Variants in HORMAD1 observed in about 807,000 individuals in gnomAD.
HORMAD1 encodes the protein HORMA domain containing 1, also known as HORMA domain-containing protein 1.
A neutral mutation model predicts 58.2 loss-of-function variants in HORMAD1; 33 were observed. That is an observed-to-expected ratio of 0.57 (90% CI 0.43 to 0.76). HORMAD1 has a LOEUF of 0.76. HORMAD1 is among the 30% of genes least tolerant of loss of function. The pLI, the probability that HORMAD1 is intolerant of heterozygous loss-of-function variation, is 0.00. For missense variants in HORMAD1, 363 were observed against 462.0 expected, an observed-to-expected ratio of 0.79 and a Z score of 1.96; for synonymous variants, 137 against 144.6, an observed-to-expected ratio of 0.95 and a Z score of 0.38.
intron 3 of HORMAD1, among the ~76,000 whole-genome samples, chr1:150,716,548 G>C (rs955578414): frequency 2.2e-4 from 34 of 152,222 alleles, no homozygotes; most frequent in African/African-American, 6.3e-4. Flanking sequence ...GATTGCCTAG[G>C]ACTGGGAAGG....
rs755742099 is a variant in HORMAD1, at chr1:150,719,477, G to A, written c.29C>T (p.Pro10Leu). 6.4e-7 allele frequency: 1 copy of A among 1,572,244 alleles called. No homozygotes were observed. Among genetic ancestry groups the A allele is most frequent in the Admixed American group, 1.8e-5 (1 of 54,130 alleles). The change falls in exon 2 of 15, where the codon CCC becomes CTC. Residue 10 changes from proline to leucine, a missense_variant. By Grantham distance (98) the Pro-to-Leu change is moderately conservative. Transcript: ENST00000361824. ...CCAAAATACAAGAAATCATACCATG[G>A]GAGTCCTCTGCAACTGGGCAGTGGC... MATAQLQRTPMSALVFPNKI... is the reference protein window; with the variant it reads MATAQLQRTLMSALVFPNKI...
intron 1 of HORMAD1, among the ~76,000 whole-genome samples, chr1:150,720,117 C>T (rs2101895600): frequency 6.6e-6 from 1 of 151,836 alleles, no homozygotes; most frequent in South Asian, 2.1e-4. Flanking sequence ...CTCTGTTGCC[C>T]AGGCTGGAGT....
intron 2 of HORMAD1, among the ~76,000 whole-genome samples, chr1:150,718,457 T>G (rs1182649429): frequency 1.3e-5 from 2 of 151,100 alleles, no homozygotes; most frequent in Non-Finnish European, 2.9e-5. Flanking sequence ...AAAAAGTACC[T>G]AAAAATCTTA....
At chr1:150,716,088 C>T (rs1487529356) in intron 3 of HORMAD1, among the ~76,000 whole-genome samples, 2 of 150,432 alleles carry the variant, frequency 1.3e-5, no homozygotes, top group African/African-American at 4.9e-5. Context: ...AAGCACTGAT[C>T]CATGCTACAA....
At chr1:150,718,930 CA>C (rs1444831189) in intron 2 of HORMAD1, among the ~76,000 whole-genome samples, 1 of 152,166 alleles carries the variant, frequency 6.6e-6, no homozygotes, top group Non-Finnish European at 1.5e-5. Flanking sequence ...TGTGAATGAG[CA>C]ATTTAATGCA....
intron 5 of HORMAD1, among the ~76,000 whole-genome samples, chr1:150,713,026 G>C (rs587652181): frequency 6.6e-6 from 1 of 151,944 alleles, no homozygotes; most frequent in East Asian, 1.9e-4. Context: ...CCTTCTTTTT[G>C]TTCCTGGAAC....
At chr1:150,719,615 C>G in intron 1 of HORMAD1, 77 bp from the exon 2 acceptor site, 2 of 640,280 alleles carry the variant, frequency 3.1e-6, no homozygotes, top group Non-Finnish European at 5.3e-6. Flanking sequence ...ATATAAAATT[C>G]AAAACAATTT....
chr1:150,719,657 AAT>A (rs1178563511), intron 1 of HORMAD1, 119 bp from the exon 2 acceptor site: 5 of 511,094 alleles, frequency 9.8e-6, no homozygotes, highest in Middle Eastern at 4.7e-4. Context: ...CTTTAATTAA[AAT>A]AGAGTCTTCA....
Position 150,698,449 on chromosome 1 carries a change from T to C in HORMAD1, c.*205A>G. The C allele has an allele frequency of 2.7e-6, 1 of 367,904 alleles. No individual in the cohort carries two copies. The highest frequency in any genetic ancestry group is 4.9e-6 in the Non-Finnish European group (1 of 204,206). 22.8% of individuals were successfully genotyped at this position (367,904 alleles called of 1,614,324 possible). A position where few individuals can be genotyped will look rare whatever the true frequency, so the allele number is the denominator to read the frequency against. On this transcript the variant is annotated 3_prime_UTR_variant, in exon 15 of 15. Transcript: ENST00000361824. Reference sequence around the variant, plus strand: ...CTTATTACCGAATCAATTATGACATTTGTACTTTTGCTTTTATTCAAAAGT... The same window carrying C: ...CTTATTACCGAATCAATTATGACATCTGTACTTTTGCTTTTATTCAAAAGT...
intron 4 of HORMAD1, among the ~76,000 whole-genome samples, 187 bp downstream of exon 4, chr1:150,714,428 T>C (rs189446373): frequency 2.0e-5 from 3 of 152,234 alleles, no homozygotes; most frequent in Non-Finnish European, 4.4e-5. Flanking sequence ...TAAAATTTAT[T>C]TTTCCAAATA....
chr1:150,719,558 C>A lies in HORMAD1; in HGVS notation c.-33-20G>T. ...TTCAACCTTGTGACACAAATACAAG[C>A]TTTAACTTAGAGCTCATTTTTTTCC... On this transcript the variant is annotated intron_variant, in intron 1 of 14. Coordinates refer to ENST00000361824, the MANE Select transcript of HORMAD1 (RefSeq NM_032132.5). 1 of 1,340,158 alleles carries A rather than the reference C, an allele frequency of 7.5e-7. No homozygotes were observed. Among genetic ancestry groups the A allele is most frequent in the Admixed American group, 2.2e-5 (1 of 44,914 alleles). The allele number at this position is 1,340,158 out of a possible 1,614,324, so 83.0% of individuals were successfully genotyped here. A position where few individuals can be genotyped will look rare whatever the true frequency, so the allele number is the denominator to read the frequency against.
intron 7 of HORMAD1, among the ~76,000 whole-genome samples, chr1:150,711,096 A>G (rs1221034650): frequency 6.6e-6 from 1 of 152,186 alleles, no homozygotes; most frequent in East Asian, 1.9e-4. Flanking sequence ...CTTGTTTCTT[A>G]TCTTCTGGTT....
chr1:150,707,031 A>G (rs1438392292), intron 9 of HORMAD1, among the ~76,000 whole-genome samples: 1 of 152,144 alleles, frequency 6.6e-6, no homozygotes, highest in Non-Finnish European at 1.5e-5. Context: ...TAAATTATTC[A>G]TCATCCCTGA....
chr1:150,711,535 G>A lies in HORMAD1; in HGVS notation c.327+10C>T. On this transcript the variant is annotated intron_variant, in intron 7 of 14. Transcript: ENST00000361824. ...GCATTATGTTTCTTTAGTAACTCAA[G>A]CACACTTACCTGAGGATCTTCTGGG... 3 of 1,587,490 alleles carry A rather than the reference G, an allele frequency of 1.9e-6. No individual in the cohort carries two copies. The highest frequency in any genetic ancestry group is 2.6e-6 in the Non-Finnish European group (3 of 1,156,584).
chr1:150,717,469 C>A (rs1301624841), intron 2 of HORMAD1, among the ~76,000 whole-genome samples, 187 bp from the exon 3 acceptor site: 1 of 151,660 alleles, frequency 6.6e-6, no homozygotes, highest in East Asian at 1.9e-4. Context: ...AGGGTAATAG[C>A]CTAAAGGACA....
chr1:150,709,626 C>T (rs1037168503), intron 7 of HORMAD1, among the ~76,000 whole-genome samples: 10 of 151,180 alleles, frequency 6.6e-5, no homozygotes, highest in Non-Finnish European at 7.4e-5. Context: ...TCCCCCAGCC[C>T]GACACCCATA....
chr1:150,708,936 T>A lies in HORMAD1; in HGVS notation c.353A>T (p.Lys118Ile), dbSNP rs147277443. 6.6e-7 allele frequency: 1 copy of A among 1,506,712 alleles called. No individual in the cohort carries two copies. The highest frequency in any genetic ancestry group is 9.2e-7 in the Non-Finnish European group (1 of 1,082,364). The allele number at this position is 1,506,712 out of a possible 1,614,324, so 93.3% of individuals were successfully genotyped here. The change falls in exon 8 of 15, where the codon AAA becomes ATA. Residue 118 changes from lysine to isoleucine, a missense_variant. Lys to Ile is a moderately radical substitution (Grantham distance 102). Transcript: ENST00000361824. ...TGGTCCATTATTGGTGTATTTGAAT[T>A]TGAATTGGTAACATTCTGAAATTGT... ...PQTISECYQF[K>I]FKYTNNGPLM... is the part of the protein sequence containing the mutation.
At position 150,717,151 on chromosome 1, in the gene HORMAD1, T is replaced by C. The variant is rs1033591154; in HGVS notation, c.165A>G (p.Thr55=). Reference sequence around the variant, plus strand: ...ATATTGTATTACCATCTAGATATCTTGTTCCATAAGCGCATTCTGGGAATA... The same window carrying C: ...ATATTGTATTACCATCTAGATATCTCGTTCCATAAGCGCATTCTGGGAATA... ...RGIFPECAYG[T]RYLDDLCVKI... Residue 55 remains threonine (T), a synonymous_variant, in exon 3 of 15, where the codon ACA becomes ACG. Transcript: ENST00000361824. 32 of 1,564,160 alleles carry C rather than the reference T, an allele frequency of 2.0e-5. No homozygotes were observed. The highest frequency in any genetic ancestry group is 2.5e-5 in the Non-Finnish European group (29 of 1,151,516).
At chr1:150,712,005 T>C (rs982306193) in intron 5 of HORMAD1, 152 bp from the exon 6 acceptor site, 3 of 611,678 alleles carry the variant, frequency 4.9e-6, no homozygotes, top group Non-Finnish European at 8.8e-6. Context: ...ATGCCTATAA[T>C]GCAGTACCTT....
Sources: allele counts gnomAD v4.1 joint callset (sites outside exome capture counted in the v4.1 genomes callset), GRCh38; gene constraint gnomAD v4.1.1; transcripts MANE v1.5; gene names NCBI Gene and HGNC (gene_info 2026-07-23, HGNC 2026-07-21).